CLIP1: variants seen among roughly 807,000 people sequenced by gnomAD.
CLIP1 encodes the protein CAP-Gly domain-containing linker protein 1.
In CLIP1, 66 loss-of-function variants were observed where a neutral mutation model predicts 161.6. The observed-to-expected ratio is 0.41, with a 90% CI of 0.33 to 0.50. CLIP1 has a LOEUF of 0.50. CLIP1 is among the 20% of genes least tolerant of loss of function. The pLI, the probability that CLIP1 is intolerant of heterozygous loss-of-function variation, is 0.27. For missense variants in CLIP1, 1,376 were observed against 1,702.0 expected, an observed-to-expected ratio of 0.81 and a Z score of 3.37; for synonymous variants, 598 against 626.2, an observed-to-expected ratio of 0.96 and a Z score of 0.67.
intron 4 of CLIP1, among the ~76,000 whole-genome samples, chr12:122,363,427 G>C (rs1412102737): frequency 6.6e-6 from 1 of 151,968 alleles, no homozygotes; most frequent in Middle Eastern, 3.4e-3. Flanking sequence ...AGAAGGGGGA[G>C]GTTGCATGCA....
intron 3 of CLIP1, among the ~76,000 whole-genome samples, chr12:122,370,013 A>G (rs1954356706): frequency 6.6e-6 from 1 of 151,982 alleles, no homozygotes; most frequent in South Asian, 2.1e-4. Context: ...AAATACAAAA[A>G]TTAGCCAGCT....
intron 8 of CLIP1, among the ~76,000 whole-genome samples, chr12:122,352,337 G>A (rs550581384): frequency 3.9e-5 from 6 of 152,174 alleles, no homozygotes; most frequent in South Asian, 4.2e-4. Flanking sequence ...GATTACAGGC[G>A]TGAACCACCG....
chr12:122,365,740 G>A, intron 3 of CLIP1: 1 of 624,144 alleles, frequency 1.6e-6, no homozygotes, highest in Non-Finnish European at 2.8e-6. Context: ...GGGCACAGTG[G>A]TTCATGCCTG....
chr12:122,381,527 C>A (rs1391589201), intron 1 of CLIP1, among the ~76,000 whole-genome samples: 1 of 152,110 alleles, frequency 6.6e-6, no homozygotes, highest in African/African-American at 2.4e-5. Context: ...ATTGAAATTA[C>A]CTTGGGGTTT....
chr12:122,403,532 T>C (rs1414102032), intron 1 of CLIP1, among the ~76,000 whole-genome samples: 8 of 150,648 alleles, frequency 5.3e-5, no homozygotes, highest in Non-Finnish European at 8.9e-5. Flanking sequence ...TCTGTTTGTT[T>C]TTTTGGCACA....
At chr12:122,333,712 G>A (rs1024434306) in intron 14 of CLIP1, among the ~76,000 whole-genome samples, 7 of 152,206 alleles carry the variant, frequency 4.6e-5, no homozygotes, top group Non-Finnish European at 1.0e-4. Flanking sequence ...GACCGAAGCC[G>A]GCACAGGCAG....
rs1951070803 is a variant in CLIP1, at chr12:122,311,745, C to G, written c.3474-1863G>C. On this transcript the variant is annotated intron_variant, in intron 19 of 25. Coordinates refer to ENST00000620786, the MANE Select transcript of CLIP1 (RefSeq NM_001247997.2). This position sits in a 1 kb window ranked among gnomAD's most constrained non-coding sequence, Gnocchi z 4.3. ...GCCAAAATTATTGTTTTAAAATTTA[C>G]AAAATGCTTCCATGTCCATTTTCTC... Among the ~76,000 whole-genome samples, 1 of 152,164 alleles carries G rather than the reference C, an allele frequency of 6.6e-6. No individual in the cohort carries two copies.
chr12:122,331,017 A>T (rs893620563), intron 15 of CLIP1, among the ~76,000 whole-genome samples: 2,218 of 147,940 alleles, frequency 0.015, 46 homozygotes, highest in African/African-American at 0.052. Context: ...TTTATTATTT[A>T]TTTATTTTTT....
Position 122,354,696 on chromosome 12 carries a change from T to C in CLIP1, c.1204-140A>G, listed in dbSNP as rs1341792949. 12 of 632,246 alleles carry C rather than the reference T, an allele frequency of 1.9e-5. No individual in the cohort carries two copies. In the East Asian group the frequency reaches 3.4e-4, roughly 18 times the overall value. The allele number at this position is 632,246 out of a possible 1,614,324, so 39.2% of individuals were successfully genotyped here. A position where few individuals can be genotyped will look rare whatever the true frequency, so the allele number is the denominator to read the frequency against. On this transcript the variant is annotated intron_variant, in intron 6 of 25. Transcript: ENST00000620786. ...TTATGTTAAAAAGCTTTCTCTATTT[T>C]AATAGGTTATTCTCAACAGCTTTCC...
At position 122,361,150 on chromosome 12, in the gene CLIP1, A is replaced by G. The variant is rs566199507; in HGVS notation, c.814T>C (p.Phe272Leu). The G allele has an allele frequency of 6.2e-7, 1 of 1,614,222 alleles. No homozygotes were observed. Among genetic ancestry groups the G allele is most frequent in the African/African-American group, 1.3e-5 (1 of 75,076 alleles). Residue 272 changes from phenylalanine to leucine, a missense_variant, in exon 5 of 26, where the codon TTC (phenylalanine) becomes CTC (leucine). Physicochemically the swap from Phe to Leu is conservative, Grantham distance 22. Around this residue, in one of 6 missense-constraint regions of CLIP1, gnomAD observed 211 missense variants for 295.1 expected, o/e 0.72. Transcript: ENST00000620786. ...YFQCQPKYGL[F>L]APVHKVTKIG... is the part of the protein sequence containing the mutation. ...TTGGTAACTTTGTGGACAGGAGCGA[A>G]CAAGCCATATTTGGGTTGACACTGA...
At chr12:122,390,555 G>A (rs906307206) in intron 1 of CLIP1, among the ~76,000 whole-genome samples, 5 of 151,332 alleles carry the variant, frequency 3.3e-5, no homozygotes, top group African/African-American at 7.3e-5. Context: ...CAAGTGATCC[G>A]CCCACCTCGG....
rs145448281 is a variant in CLIP1, at chr12:122,397,042, G to C, written c.-106-16484C>G. On this transcript the variant is annotated intron_variant, in intron 1 of 25. Transcript: ENST00000620786. ...GATCCACCAACCTTGGCCTCCCAAA[G>C]TGCTGGGATTACAGGCGTAAGCCAC... is the stretch of plus-strand genomic sequence containing the variant. 3.1e-3 allele frequency among the ~76,000 whole-genome samples: 432 copies of C among 140,490 alleles called. 16 individuals carry two copies. The East Asian group carries it at 0.068, about 22-fold the overall frequency. The allele number at this position is 140,490 out of a possible 152,430, so 92.2% of individuals were successfully genotyped here. A position where few individuals can be genotyped will look rare whatever the true frequency, so the allele number is the denominator to read the frequency against.
Position 122,328,252 on chromosome 12 carries a change from T to C in CLIP1, c.3033+9A>G, listed in dbSNP as rs1951787323. ...TGCCAGCCAACAGGCCCACTGAGTA[T>C]CTCCTTACCAGGTCCGACAATTTCC... On this transcript the variant is annotated intron_variant, in intron 16 of 25. Transcript: ENST00000620786. The C allele has an allele frequency of 6.2e-7, 1 of 1,613,574 alleles. No homozygotes were observed. The highest frequency in any genetic ancestry group is 1.7e-5 in the Admixed American group (1 of 59,978).
chr12:122,346,738 AG>A (rs959451252), intron 10 of CLIP1, among the ~76,000 whole-genome samples: 5 of 152,132 alleles, frequency 3.3e-5, no homozygotes, highest in Non-Finnish European at 7.4e-5. Flanking sequence ...CCTGACCTCA[AG>A]TAATCTGCCT....
At chr12:122,354,613 G>A in intron 6 of CLIP1, 57 bp from the exon 7 acceptor site, 1 of 1,377,338 alleles carries the variant, frequency 7.3e-7, no homozygotes, top group Non-Finnish European at 1.0e-6. Context: ...TACAGACCCA[G>A]TGATACTTCT....
In CLIP1 at chr12:122,325,346, C is replaced by T. The variant is rs140786514; in HGVS notation, c.3249+2601G>A. ...GTGCTGGGATTACAGGCATGAGCCA[C>T]CACGCCCAGCTGATATAAATGTTCT... On this transcript the variant is annotated intron_variant, in intron 17 of 25. Transcript: ENST00000620786. Among the ~76,000 whole-genome samples the T allele has an allele frequency of 4.5e-3, 681 of 152,288 alleles. 3 individuals are homozygous for T. Among genetic ancestry groups the T allele is most frequent in the African/African-American group, 0.015 (624 of 41,580 alleles).
chr12:122,375,586 G>A lies in CLIP1; in HGVS notation c.657+1803C>T, dbSNP rs143629847. On this transcript the variant is annotated intron_variant, in intron 3 of 25. Transcript: ENST00000620786. Reference sequence around the variant, plus strand: ...CCTGCCTCGGCCTCCAAAACTGCTGGTATTATAGGCATGAGCCACTGCACC... The same window carrying A: ...CCTGCCTCGGCCTCCAAAACTGCTGATATTATAGGCATGAGCCACTGCACC... Among the ~76,000 whole-genome samples the A allele has an allele frequency of 3.1e-3, 471 of 152,200 alleles. 2 individuals carry two copies. The highest frequency in any genetic ancestry group is 0.011 in the African/African-American group (448 of 41,540).
chr12:122,288,593 A>G (rs540245304), intron 20 of CLIP1, 52 bp from the exon 21 acceptor site: 9 of 1,498,008 alleles, frequency 6.0e-6, no homozygotes, highest in South Asian at 5.7e-5. Context: ...ACAGAAAGGC[A>G]TATTTCTCAT....
chr12:122,408,189 A>G (rs1566241387), intron 1 of CLIP1, among the ~76,000 whole-genome samples: 1 of 148,136 alleles, frequency 6.8e-6, no homozygotes. Context: ...AGCTCACACC[A>G]TTGCACTCTG....
Sources: allele counts gnomAD v4.1 joint callset (sites outside exome capture counted in the v4.1 genomes callset), GRCh38; gene constraint gnomAD v4.1.1; regional missense constraint gnomAD v4.1.1; non-coding constraint Gnocchi (gnomAD v3.1); transcripts MANE v1.5; gene names NCBI Gene and HGNC (gene_info 2026-07-23, HGNC 2026-07-21).